Variants in CSMD1 observed in about 807,000 individuals in gnomAD.
The protein encoded by CSMD1 is CUB and sushi domain-containing protein 1.
In CSMD1, 213 loss-of-function variants were observed where a neutral mutation model predicts 417.5. That is an observed-to-expected ratio of 0.51 (90% CI 0.46 to 0.57). The LOEUF (loss-of-function observed/expected upper bound fraction) is 0.57. Among genes scored for constraint, CSMD1 ranks in the 20% least tolerant of loss-of-function variants. The pLI, the probability that CSMD1 is intolerant of heterozygous loss-of-function variation, is 0.00. For missense variants in CSMD1, 6,923 were observed against 4,529.7 expected, an observed-to-expected ratio of 1.53 and a Z score of -15.17; for synonymous variants, 2,862 against 1,736.8, an observed-to-expected ratio of 1.65 and a Z score of -16.11.
At chr8:3,235,570 A>T (rs1047236404) in intron 26 of CSMD1, among the ~76,000 whole-genome samples, 4 of 152,118 alleles carry the variant, frequency 2.6e-5, no homozygotes, top group African/African-American at 9.7e-5. Context: ...ACAGTAAAAA[A>T]CTTCTAAAAA....
At chr8:4,129,086 A>C (rs1286409331) in intron 3 of CSMD1, among the ~76,000 whole-genome samples, 4 of 151,294 alleles carry the variant, frequency 2.6e-5, no homozygotes, top group Admixed American at 6.6e-5. Flanking sequence ...AAAAAAAAAA[A>C]AAAAAACAAA....
At chr8:3,406,497 A>T (rs537963581) in intron 14 of CSMD1, among the ~76,000 whole-genome samples, 1 of 152,300 alleles carries the variant, frequency 6.6e-6, no homozygotes, top group Non-Finnish European at 1.5e-5. Flanking sequence ...TTAGACAAAG[A>T]GAGAACTGAT....
intron 3 of CSMD1, among the ~76,000 whole-genome samples, chr8:4,320,175 A>T (rs1262910333): frequency 6.6e-6 from 1 of 152,214 alleles, no homozygotes; most frequent in Non-Finnish European, 1.5e-5. Flanking sequence ...ATGCAAAAAT[A>T]TCCAGCACTT....
rs544259398 is a variant in CSMD1 at position 4,150,673 on chromosome 8, G to C, written c.416-118574C>G. On this transcript the variant is annotated intron_variant, in intron 3 of 69. Transcript: ENST00000635120. ...TCCAAATGGTTAGGGTGCAGATAAGGAGTGTTTAGCATTTGGTTTAGAACC... is the reference window on the plus strand; with the variant it reads ...TCCAAATGGTTAGGGTGCAGATAAGCAGTGTTTAGCATTTGGTTTAGAACC... Among the ~76,000 whole-genome samples, 21 of 152,306 alleles carry C rather than the reference G, an allele frequency of 1.4e-4. No homozygotes were observed. In the South Asian group the frequency reaches 2.9e-3, roughly 21 times the overall value.
At chr8:3,173,706 C>T (rs1271162668) in intron 37 of CSMD1, among the ~76,000 whole-genome samples, 2 of 152,198 alleles carry the variant, frequency 1.3e-5, no homozygotes, top group Non-Finnish European at 2.9e-5. Context: ...TGTAAACACA[C>T]TCGCTATATT....
At chr8:3,892,768 C>A (rs1392700425) in intron 5 of CSMD1, among the ~76,000 whole-genome samples, 1 of 144,106 alleles carries the variant, frequency 6.9e-6, no homozygotes, top group Non-Finnish European at 1.5e-5. Context: ...TTATTGCTAG[C>A]CATCGTAGGA....
At chr8:4,034,592 C>G (rs1326244475) in intron 3 of CSMD1, among the ~76,000 whole-genome samples, 2 of 152,084 alleles carry the variant, frequency 1.3e-5, no homozygotes, top group Non-Finnish European at 2.9e-5. Flanking sequence ...CTCAGAATGC[C>G]TTGTCCATCA....
chr8:4,874,435 G>T (rs1415714136), intron 1 of CSMD1, among the ~76,000 whole-genome samples: 1 of 140,038 alleles, frequency 7.1e-6, no homozygotes, highest in Non-Finnish European at 1.5e-5. Context: ...TGTCACCCAG[G>T]CTGGCATGCA....
Position 3,995,983 on chromosome 8 carries a change from T to C in CSMD1, c.818+1920A>G, listed in dbSNP as rs150020812. The stretch of plus-strand genomic sequence containing the variant: ...AGGCACCAAGAAGACAGTGGTAGTC[T>C]CTCTGGCTATCTGTGCTGATACTCT... On this transcript the variant is annotated intron_variant, in intron 5 of 69. Transcript: ENST00000635120. Among the ~76,000 whole-genome samples the C allele has an allele frequency of 4.6e-3, 703 of 152,248 alleles. 4 individuals carry two copies. Among genetic ancestry groups the C allele is most frequent in the Non-Finnish European group, 7.7e-3 (523 of 68,008 alleles).
chr8:4,359,798 C>A (rs994400815), intron 3 of CSMD1, among the ~76,000 whole-genome samples: 3 of 152,212 alleles, frequency 2.0e-5, no homozygotes, highest in African/African-American at 7.2e-5. Context: ...ACAATGAGTA[C>A]AGGCTAGTTG....
chr8:3,780,380 G>C (rs1799110753), intron 5 of CSMD1, among the ~76,000 whole-genome samples: 1 of 152,110 alleles, frequency 6.6e-6, no homozygotes, highest in South Asian at 2.1e-4. Flanking sequence ...GAGGCGGCCT[G>C]GTCCTTAATT....
chr8:4,125,039 T>C (rs1322384607), intron 3 of CSMD1, among the ~76,000 whole-genome samples: 1 of 152,110 alleles, frequency 6.6e-6, no homozygotes. Context: ...GTCCGCACGT[T>C]TCTCTAATTC....
intron 68 of CSMD1, 143 bp downstream of exon 68, chr8:2,949,156 T>A: frequency 1.8e-6 from 1 of 554,848 alleles, no homozygotes. Context: ...TAATTTTTTT[T>A]CATTCAGCTG....
At chr8:4,450,014 G>A (rs1026775936) in intron 2 of CSMD1, among the ~76,000 whole-genome samples, 4 of 152,100 alleles carry the variant, frequency 2.6e-5, no homozygotes, top group Admixed American at 6.5e-5. Context: ...CTCCTGCTAT[G>A]GCCTGGGTGT....
chr8:4,939,208 T>C (rs1008722860), intron 1 of CSMD1, among the ~76,000 whole-genome samples: 2 of 152,226 alleles, frequency 1.3e-5, no homozygotes, highest in Non-Finnish European at 2.9e-5. Context: ...TTGGTGGGAA[T>C]GTAAATTAGT....
At chr8:2,957,660 G>T (rs1803111998) in intron 63 of CSMD1, 36 bp downstream of exon 63, 1 of 1,265,926 alleles carries the variant, frequency 7.9e-7, no homozygotes, top group African/African-American at 1.5e-5. Flanking sequence ...CAATAAATAG[G>T]TGACTTGTGA....
intron 5 of CSMD1, among the ~76,000 whole-genome samples, chr8:3,959,422 C>T (rs1305456625): frequency 1.3e-5 from 2 of 152,160 alleles, no homozygotes; most frequent in Non-Finnish European, 2.9e-5. Context: ...TCACTTGAAC[C>T]TGGGAGGTGG....
At chr8:4,217,750 G>C (rs538770515) in intron 3 of CSMD1, among the ~76,000 whole-genome samples, 13 of 152,220 alleles carry the variant, frequency 8.5e-5, no homozygotes, top group Admixed American at 3.9e-4. Context: ...CGGTGTTATA[G>C]GATACTGGAA....
In CSMD1 at chr8:3,754,014, C is replaced by A. The variant is rs199930890; in HGVS notation, c.847G>T (p.Val283Phe). Residue 283 changes from valine (V) to phenylalanine (F), a missense_variant, in exon 6 of 70, where the codon GTT becomes TTT. Transcript: ENST00000635120. The part of the protein sequence containing the change: ...WLTGMNLPSP[V>F]ISSKNWLRLH... ...CGTAGCCAATTCTTGCTACTGATAA[C>A]TGGAGAGGGGAGGTTCATGCCAGTT... The A allele has an allele frequency of 1.8e-4, 292 of 1,612,510 alleles. No individual in the cohort carries two copies. Among genetic ancestry groups the A allele is most frequent in the Non-Finnish European group, 2.2e-4 (261 of 1,179,238 alleles).
Sources: allele counts gnomAD v4.1 joint callset (sites outside exome capture counted in the v4.1 genomes callset), GRCh38; gene constraint gnomAD v4.1.1; transcripts MANE v1.5; gene names NCBI Gene and HGNC (gene_info 2026-07-23, HGNC 2026-07-21).